Variants in RIF1 observed in about 807,000 individuals in gnomAD.
The protein encoded by RIF1 is telomere-associated protein RIF1.
A neutral mutation model predicts 247.1 loss-of-function variants in RIF1; 45 were observed. That is an observed-to-expected ratio of 0.18 (90% CI 0.14 to 0.23). RIF1 has a LOEUF of 0.23. Ranked by LOEUF, RIF1 falls within the 10% of genes least tolerant of loss-of-function variation. RIF1 has a pLI of 1.00. For missense variants in RIF1, 2,967 were observed against 2,862.5 expected (o/e 1.04, Z -0.83); for synonymous variants, 1,087 against 978.8 (o/e 1.11, Z -2.06).
intron 10 of RIF1, chr2:151,496,441 G>A: frequency 6.6e-7 from 1 of 1,507,686 alleles, no homozygotes; most frequent in Non-Finnish European, 9.0e-7. Context: ...TTAAGGGTAA[G>A]GTCAACTTCC....
rs934753697 is a variant in RIF1 at position 151,491,889 on chromosome 2, T to G, written c.*416-3340T>G. 9.8e-6 allele frequency: 10 copies of G among 1,019,856 alleles called. No homozygotes were observed. In the Admixed American group the frequency reaches 2.4e-4, roughly 24 times the overall value. The allele number at this position is 1,019,856 out of a possible 1,614,324, so 63.2% of individuals were successfully genotyped here. A position where few individuals can be genotyped will look rare whatever the true frequency, so the allele number is the denominator to read the frequency against. ...GGATTGAATCACACTTATTCCAGCT[T>G]AGGTTCTGGGTCATGTCTTTTCCTC... On this transcript the variant is annotated intron_variant and NMD_transcript_variant, in intron 9 of 13. Transcript: ENST00000454583.
intron 12 of RIF1, chr2:151,505,609 A>T (rs147313132): frequency 6.7e-7 from 1 of 1,485,494 alleles, no homozygotes; most frequent in Non-Finnish European, 9.4e-7. Flanking sequence ...GTATTATTAC[A>T]TGCTGGACTG....
In RIF1 at chr2:151,468,538, CAAA is replaced by C; in HGVS notation, c.6813_6815del (p.Lys2273del). 1.2e-6 allele frequency: 2 copies of C among 1,612,998 alleles called. No homozygotes were observed. The highest frequency in any genetic ancestry group is 1.7e-6 in the Non-Finnish European group (2 of 1,179,074). On this transcript the variant is annotated inframe_deletion, in exon 32 of 36. Transcript: ENST00000444746. ...TCACGTAGCCCTAAATTTAAGAGCT[CAAA>C]GAAGTGTTTAGTAAGAAGTGCTTTA...
the RIF1 span, among the ~76,000 whole-genome samples, chr2:151,520,587 AG>A: frequency 8.5e-5 from 13 of 152,212 alleles, no homozygotes; most frequent in African/African-American, 3.1e-4. Context: ...GATGATAGCC[AG>A]GTGTGGTGGC....
chr2:151,511,462 G>A (rs1000180829), downstream of RIF1, among the ~76,000 whole-genome samples: 1 of 152,164 alleles, frequency 6.6e-6, no homozygotes, highest in African/African-American at 2.4e-5. Context: ...GATCATCTGT[G>A]AAAATTAAAA....
rs2049153784 is a variant in RIF1, at chr2:151,481,182, G to T, written c.*6111G>T. 6.6e-6 allele frequency: 1 copy of T among 152,142 alleles called. No homozygotes were observed. Among genetic ancestry groups the T allele is most frequent in the South Asian group, 2.1e-4 (1 of 4,824 alleles). The allele number at this position is 152,142 out of a possible 1,614,324, so 9.4% of individuals were successfully genotyped here. The stretch of plus-strand genomic sequence containing the variant: ...TTGTCAATCCCTTTTATGGAGGAAG[G>T]TTTTGCTCATGCATGGCATGTTAGT... On this transcript the variant is annotated 3_prime_UTR_variant, in exon 36 of 36. Coordinates refer to ENST00000444746, the MANE Select transcript of RIF1 (RefSeq NM_018151.5).
chr2:151,413,942 C>T (rs1686730245), intron 3 of RIF1, among the ~76,000 whole-genome samples: 2 of 152,100 alleles, frequency 1.3e-5, no homozygotes, highest in South Asian at 2.1e-4. Context: ...TAAAAGTAAA[C>T]TTTCATATTG....
At chr2:151,527,131 C>G in the RIF1 span, 1 of 709,154 alleles carries the variant, frequency 1.4e-6, no homozygotes, top group South Asian at 1.9e-5. Flanking sequence ...CAAAGACTTG[C>G]TACCAGAATG....
intron 30 of RIF1, 88 bp from the exon 31 acceptor site, chr2:151,467,912 T>G (rs1697204287): frequency 7.6e-7 from 1 of 1,311,730 alleles, no homozygotes; most frequent in African/African-American, 1.5e-5. Flanking sequence ...CCACATTCTA[T>G]TTTTGGGTAA....
At chr2:151,436,626 CAT>C (rs1318462674) in intron 11 of RIF1, among the ~76,000 whole-genome samples, 199 bp from the exon 12 acceptor site, 2 of 151,370 alleles carry the variant, frequency 1.3e-5, no homozygotes, top group Non-Finnish European at 1.5e-5. Context: ...ACATGTGTGT[CAT>C]ATGTATTATT....
rs775069662 is a variant in RIF1 at position 151,464,370 on chromosome 2, C to T, written c.4850C>T (p.Pro1617Leu). Residue 1617 changes from proline (P) to leucine (L), a missense_variant, in exon 30 of 36, where the codon CCG (proline) becomes CTG (leucine). Physicochemically the swap from Pro to Leu is moderately conservative, Grantham distance 98. Transcript: ENST00000444746. The part of the protein sequence containing the change: ...TSEEDVSIKS[P>L]ICEKQDESNT... ...GAAGAAGATGTAAGCATAAAATCTC[C>T]GATTTGCGAAAAACAAGATGAAAGT... The T allele has an allele frequency of 4.7e-5, 75 of 1,608,918 alleles. No individual in the cohort carries two copies. Among genetic ancestry groups the T allele is most frequent in the Middle Eastern group, 1.7e-4 (1 of 6,056 alleles).
chr2:151,499,264 T>TA, intron 10 of RIF1: 1 of 1,108,922 alleles, frequency 9.0e-7, no homozygotes, highest in South Asian at 1.5e-5. Flanking sequence ...AACATTTTTT[T>TA]AAATAATTAA....
At chr2:151,421,741 G>A (rs765184846) in intron 7 of RIF1, among the ~76,000 whole-genome samples, 45 of 152,116 alleles carry the variant, frequency 3.0e-4, no homozygotes, top group Non-Finnish European at 2.2e-4. Flanking sequence ...TGCTTAAAAT[G>A]CAGAAGACTT....
chr2:151,472,944 T>C (rs1355918418), intron 34 of RIF1, among the ~76,000 whole-genome samples: 1 of 152,216 alleles, frequency 6.6e-6, no homozygotes, highest in Non-Finnish European at 1.5e-5. Flanking sequence ...TCAGAAGGAA[T>C]GGTACCAGCT....
chr2:151,420,174 G>C lies in RIF1; in HGVS notation c.504-16G>C, dbSNP rs1687932495. ...CATGAGGTCACGCTAATTATTCATT[G>C]ATTTCTCTATTATAGGCTAATTGAA... On this transcript the variant is annotated splice_polypyrimidine_tract_variant and intron_variant, in intron 6 of 35. Coordinates refer to ENST00000444746, the MANE Select transcript of RIF1 (RefSeq NM_018151.5). The C allele has an allele frequency of 6.3e-7, 1 of 1,597,098 alleles. No individual in the cohort carries two copies. Among genetic ancestry groups the C allele is most frequent in the Non-Finnish European group, 8.6e-7 (1 of 1,168,040 alleles).
At position 151,435,447 on chromosome 2, in the gene RIF1, TTC is replaced by T. The variant is rs1454233598; in HGVS notation, c.1078-14_1078-13del. On this transcript the variant is annotated splice_polypyrimidine_tract_variant and intron_variant, in intron 10 of 35. Coordinates refer to ENST00000444746, the MANE Select transcript of RIF1 (RefSeq NM_018151.5). ...GTTGTATAGTTTATAGATCGATGTT[TTC>T]TTTTACCCCATAGGTTTGTGTGCCT... is the stretch of plus-strand genomic sequence containing the variant. 3 of 1,448,846 alleles carry T rather than the reference TTC, an allele frequency of 2.1e-6. No homozygotes were observed. In the African/African-American group the frequency reaches 4.2e-5, roughly 20 times the overall value. The allele number at this position is 1,448,846 out of a possible 1,614,324, so 89.7% of individuals were successfully genotyped here. A position where few individuals can be genotyped will look rare whatever the true frequency, so the allele number is the denominator to read the frequency against.
the RIF1 span, chr2:151,531,034 A>G: frequency 1.9e-6 from 3 of 1,613,492 alleles, no homozygotes; most frequent in Non-Finnish European, 1.7e-6. Flanking sequence ...ATGCAGCAAC[A>G]TGGGTGTGTC....
At chr2:151,514,874 G>A in the RIF1 span, 1 of 1,588,456 alleles carries the variant, frequency 6.3e-7, no homozygotes, top group African/African-American at 1.3e-5. Context: ...GTGACCTCCA[G>A]GCCAGTCAGG....
Position 151,499,290 on chromosome 2 carries a change from T to G in RIF1, c.*514-55T>G, listed in dbSNP as rs979788051. 1.4e-6 allele frequency: 2 copies of G among 1,405,766 alleles called. No individual in the cohort carries two copies. The highest frequency in any genetic ancestry group is 2.9e-5 in the African/African-American group (2 of 69,142). The allele number at this position is 1,405,766 out of a possible 1,614,324, so 87.1% of individuals were successfully genotyped here. A position where few individuals can be genotyped will look rare whatever the true frequency, so the allele number is the denominator to read the frequency against. ...AAATAATTAAAGGGATTTTTTATTT[T>G]TAAATACCGAACTAAAGTTTTCTTG... On this transcript the variant is annotated intron_variant and NMD_transcript_variant, in intron 10 of 13. Coordinates refer to the RIF1 transcript ENST00000454583.
Sources: gnomAD v4.1 joint callset for allele counts (sites outside exome capture counted in the v4.1 genomes callset) on GRCh38, gnomAD v4.1.1 for gene constraint, MANE v1.5 for transcripts, NCBI Gene and HGNC (gene_info 2026-07-23, HGNC 2026-07-21) for gene names.